Variants in THSD7B observed in about 807,000 individuals in gnomAD.
THSD7B encodes the protein thrombospondin type 1 domain containing 7B.
A neutral mutation model predicts 213.6 loss-of-function variants in THSD7B; 138 were observed. The observed-to-expected ratio is 0.65, with a 90% CI of 0.56 to 0.74. The LOEUF (loss-of-function observed/expected upper bound fraction) is 0.74, where lower values mean the gene tolerates loss of function less well. Ranked by LOEUF, THSD7B falls within the 30% of genes least tolerant of loss-of-function variation. The pLI is 0.00. For missense variants in THSD7B, 1,931 were observed against 1,991.5 expected (o/e 0.97, Z 0.58); for synonymous variants, 742 against 687.0 (o/e 1.08, Z -1.25).
intron 15 of THSD7B, among the ~76,000 whole-genome samples, chr2:137,455,451 A>C (rs1687744849): frequency 6.6e-6 from 1 of 152,158 alleles, no homozygotes; most frequent in Non-Finnish European, 1.5e-5. Flanking sequence ...TGTAAATGGG[A>C]AGGTTGCTAT....
chr2:137,155,415 T>C (rs1032977634), intron 5 of THSD7B, among the ~76,000 whole-genome samples: 3 of 152,150 alleles, frequency 2.0e-5, no homozygotes, highest in Non-Finnish European at 2.9e-5. Flanking sequence ...AGCTAATTAA[T>C]AGAAATAAAT....
At chr2:137,595,134 A>G (rs982188765) in intron 17 of THSD7B, among the ~76,000 whole-genome samples, 1 of 151,976 alleles carries the variant, frequency 6.6e-6, no homozygotes, top group Non-Finnish European at 1.5e-5. Flanking sequence ...TTTTTATGCA[A>G]TGGACACCTT....
At chr2:137,578,878 A>C (rs1188516795) in intron 17 of THSD7B, among the ~76,000 whole-genome samples, 1 of 152,208 alleles carries the variant, frequency 6.6e-6, no homozygotes, top group African/African-American at 2.4e-5. Flanking sequence ...AGAAAAAAAG[A>C]ATGGAAAAGA....
intron 1 of THSD7B, among the ~76,000 whole-genome samples, chr2:136,814,724 T>A (rs1376192702): frequency 2.0e-5 from 3 of 152,158 alleles, no homozygotes; most frequent in Non-Finnish European, 2.9e-5. Flanking sequence ...TGCAAAGAAA[T>A]CTTTAGGGAA....
At chr2:137,069,225 C>T (rs900984365) in intron 3 of THSD7B, among the ~76,000 whole-genome samples, 4 of 152,060 alleles carry the variant, frequency 2.6e-5, no homozygotes, top group African/African-American at 9.7e-5. Context: ...CATTCTTTCT[C>T]ATATATCAAT....
intron 12 of THSD7B, among the ~76,000 whole-genome samples, chr2:137,388,562 A>C (rs1685946603): frequency 6.6e-6 from 1 of 152,010 alleles, no homozygotes; most frequent in African/African-American, 2.4e-5. Flanking sequence ...TATAGAAAAC[A>C]TTGTCATTAC....
intron 3 of THSD7B, among the ~76,000 whole-genome samples, chr2:137,089,175 G>T (rs13017596): frequency 0.039 from 5,845 of 151,666 alleles, 187 homozygotes; most frequent in Non-Finnish European, 0.062. Context: ...GTTTACAGCA[G>T]CACAATTCGC....
intron 4 of THSD7B, among the ~76,000 whole-genome samples, chr2:137,113,836 A>G (rs1032047269): frequency 1.4e-4 from 21 of 151,380 alleles, no homozygotes; most frequent in South Asian, 2.1e-4. Flanking sequence ...AAGCCTAGGG[A>G]AAAAAAAAGT....
chr2:137,563,492 T>A, intron 16 of THSD7B, 138 bp downstream of exon 16: 1 of 1,187,816 alleles, frequency 8.4e-7, no homozygotes, highest in Non-Finnish European at 1.2e-6. Flanking sequence ...CTTTGAAATA[T>A]TCATTGAAAT....
intron 1 of THSD7B, among the ~76,000 whole-genome samples, chr2:136,802,886 C>T (rs981386917): frequency 1.1e-4 from 16 of 151,576 alleles, no homozygotes; most frequent in Non-Finnish European, 1.6e-4. Flanking sequence ...TTATTTAGAT[C>T]TTTATTATCA....
intron 1 of THSD7B, among the ~76,000 whole-genome samples, chr2:136,815,422 T>TC (rs2104933461): frequency 6.6e-6 from 1 of 152,324 alleles, no homozygotes; most frequent in East Asian, 1.9e-4. Flanking sequence ...TAGACTCTGT[T>TC]AAACTATACC....
intron 12 of THSD7B, among the ~76,000 whole-genome samples, chr2:137,346,527 T>C (rs1253464158): frequency 6.6e-6 from 1 of 151,600 alleles, no homozygotes; most frequent in Non-Finnish European, 1.5e-5. Context: ...ATGCCCTTGA[T>C]TGAGCATATC....
intron 3 of THSD7B, among the ~76,000 whole-genome samples, chr2:137,085,339 C>G (rs1687818812): frequency 6.6e-6 from 1 of 151,746 alleles, no homozygotes; most frequent in African/African-American, 2.4e-5. Flanking sequence ...TAAGCTAAGT[C>G]CAATGTGAAA....
intron 10 of THSD7B, among the ~76,000 whole-genome samples, chr2:137,256,377 G>GGGAGTCCTGTGATT (rs1425583828): frequency 2.0e-5 from 3 of 152,174 alleles, no homozygotes. Context: ...CCAGAAAGAA[G>GGGAGTCCTGTGATT]GGAGTCCTGT....
At chr2:137,522,825 A>G (rs76455420) in intron 15 of THSD7B, among the ~76,000 whole-genome samples, 3,579 of 152,274 alleles carry the variant, frequency 0.024, 156 homozygotes, top group African/African-American at 0.082. Context: ...TATACCAGAT[A>G]AATCATTTCT....
chr2:137,018,320 C>T (rs1686380304), intron 2 of THSD7B, among the ~76,000 whole-genome samples: 1 of 152,036 alleles, frequency 6.6e-6, no homozygotes, highest in Non-Finnish European at 1.5e-5. Flanking sequence ...GGCATAAGGA[C>T]ATTTTTAAGG....
intron 15 of THSD7B, among the ~76,000 whole-genome samples, chr2:137,467,533 G>A (rs1319250879): frequency 1.3e-5 from 2 of 152,098 alleles, no homozygotes; most frequent in South Asian, 2.1e-4. Flanking sequence ...AGGTTTTTTC[G>A]TAGGCTGATC....
Position 137,405,823 on chromosome 2 carries a change from T to C in THSD7B, c.2695+16T>C, listed in dbSNP as rs774881447. 5 of 1,588,420 alleles carry C rather than the reference T, an allele frequency of 3.1e-6. No homozygotes were observed. In the East Asian group the frequency reaches 9.1e-5, roughly 29 times the overall value. ...CAGCTCACAGGTATAGTGTGCATTTTACTCTTTAGCATCAGGCAAGCTGAA... is the reference window on the plus strand; with the variant it reads ...CAGCTCACAGGTATAGTGTGCATTTCACTCTTTAGCATCAGGCAAGCTGAA... On this transcript the variant is annotated intron_variant, in intron 13 of 27. Transcript: ENST00000409968.
intron 12 of THSD7B, among the ~76,000 whole-genome samples, chr2:137,324,032 A>G (rs550464907): frequency 5.9e-5 from 9 of 152,316 alleles, no homozygotes; most frequent in African/African-American, 2.2e-4. Flanking sequence ...AAGAGATTTT[A>G]TCACTGGAGA....
Sources: allele counts gnomAD v4.1 joint callset (sites outside exome capture counted in the v4.1 genomes callset), GRCh38; gene constraint gnomAD v4.1.1; transcripts MANE v1.5; gene names NCBI Gene and HGNC (gene_info 2026-07-23, HGNC 2026-07-21).